Variants in PARVA observed in about 807,000 individuals in gnomAD.
PARVA encodes parvin alpha.
A neutral mutation model predicts 52.6 loss-of-function variants in PARVA; 25 were observed. The observed-to-expected ratio is 0.48, with a 90% CI of 0.35 to 0.66. The LOEUF (loss-of-function observed/expected upper bound fraction) is 0.66, where lower values mean the gene tolerates loss of function less well. PARVA is among the 30% of genes least tolerant of loss of function. The pLI, the probability that PARVA is intolerant of heterozygous loss-of-function variation, is 0.01. For synonymous variants in PARVA, 185 were observed against 179.1 expected (o/e 1.03, Z -0.26); for missense variants, 373 against 450.9 (o/e 0.83, Z 1.56).
chr11:12,428,912 G>A (rs1273252908), intron 1 of PARVA, among the ~76,000 whole-genome samples: 2 of 152,200 alleles, frequency 1.3e-5, no homozygotes, highest in Non-Finnish European at 2.9e-5. Flanking sequence ...TGGGGGAAGG[G>A]TAAATTGTGT....
chr11:12,449,167 T>C (rs1387084901), intron 1 of PARVA, among the ~76,000 whole-genome samples: 1 of 152,010 alleles, frequency 6.6e-6, no homozygotes, highest in Non-Finnish European at 1.5e-5. Flanking sequence ...TTTTATTTTA[T>C]ATTTTTTGGA....
chr11:12,514,324 T>C (rs1043653197), intron 10 of PARVA, among the ~76,000 whole-genome samples: 1 of 152,192 alleles, frequency 6.6e-6, no homozygotes, highest in Non-Finnish European at 1.5e-5. Context: ...CTCTCTCTCT[T>C]TCTCTGCACC....
intron 1 of PARVA, among the ~76,000 whole-genome samples, chr11:12,468,997 G>A (rs1940893814): frequency 6.6e-6 from 1 of 152,158 alleles, no homozygotes. Context: ...TAAACCAATA[G>A]CGGCTTTACC....
Position 12,533,452 on chromosome 11 carries a change from A to G in PARVA, c.*5527A>G, listed in dbSNP as rs918679130. Among the ~76,000 whole-genome samples, 1 of 152,204 alleles carries G rather than the reference A, an allele frequency of 6.6e-6. No homozygotes were observed. Among genetic ancestry groups the G allele is most frequent in the Non-Finnish European group, 1.5e-5 (1 of 68,040 alleles). Reference sequence around the variant, plus strand: ...TAACTGCTCCAATGCCCACCACATTATATAAAATCTACCAAAAGGGGGTCA... The same window carrying G: ...TAACTGCTCCAATGCCCACCACATTGTATAAAATCTACCAAAAGGGGGTCA... On this transcript the variant is annotated 3_prime_UTR_variant, in exon 13 of 13. Coordinates refer to ENST00000334956, the MANE Select transcript of PARVA (RefSeq NM_018222.5).
At chr11:12,512,785 A>G (rs111755302) in intron 8 of PARVA, among the ~76,000 whole-genome samples, 2 of 152,010 alleles carry the variant, frequency 1.3e-5, no homozygotes, top group South Asian at 2.1e-4. Flanking sequence ...AGGCACAAAG[A>G]GTTGAAGTGG....
intron 12 of PARVA, among the ~76,000 whole-genome samples, chr11:12,525,054 C>T (rs760905142): frequency 2.6e-5 from 4 of 152,090 alleles, no homozygotes; most frequent in South Asian, 4.2e-4. Flanking sequence ...ACAGCATAGG[C>T]GGAGGCCAAG....
intron 12 of PARVA, among the ~76,000 whole-genome samples, chr11:12,523,595 A>T (rs189783755): frequency 6.6e-6 from 1 of 152,208 alleles, no homozygotes; most frequent in Non-Finnish European, 1.5e-5. Flanking sequence ...TCCTCTCCTG[A>T]TAGAAAGAGT....
intron 1 of PARVA, among the ~76,000 whole-genome samples, chr11:12,390,772 C>T (rs1939647705): frequency 6.6e-6 from 1 of 152,170 alleles, no homozygotes; most frequent in Non-Finnish European, 1.5e-5. Context: ...GCTCTCAGCC[C>T]TGGTGAGGCA....
intron 1 of PARVA, among the ~76,000 whole-genome samples, chr11:12,428,471 C>A (rs1385168134): frequency 1.3e-5 from 2 of 152,176 alleles, no homozygotes; most frequent in Non-Finnish European, 2.9e-5. Flanking sequence ...CTGAGATGAC[C>A]AAGACCCAGT....
chr11:12,406,246 C>T (rs1057355404), intron 1 of PARVA, among the ~76,000 whole-genome samples: 7 of 152,162 alleles, frequency 4.6e-5, no homozygotes, highest in African/African-American at 9.7e-5. Flanking sequence ...TATTGTTTTA[C>T]GATAGAATTC....
At chr11:12,387,573 G>GTGTA (rs1939590899) in intron 1 of PARVA, among the ~76,000 whole-genome samples, 1 of 151,770 alleles carries the variant, frequency 6.6e-6, no homozygotes, top group Non-Finnish European at 1.5e-5. Context: ...GTGTGTGTGT[G>GTGTA]TATGTAGCTT....
intron 1 of PARVA, 23 bp downstream of exon 1, chr11:12,377,806 G>A (rs766599115): frequency 2.0e-6 from 3 of 1,472,300 alleles, no homozygotes; most frequent in Non-Finnish European, 1.8e-6. Flanking sequence ...AGGCCGGCCG[G>A]GCGGGCGGTA....
At chr11:12,468,481 G>T (rs1007658885) in intron 1 of PARVA, among the ~76,000 whole-genome samples, 1 of 152,082 alleles carries the variant, frequency 6.6e-6, no homozygotes, top group African/African-American at 2.4e-5. Context: ...CAAAAATCAG[G>T]GGGAAATTAC....
At chr11:12,410,328 C>G (rs1939975638) in intron 1 of PARVA, among the ~76,000 whole-genome samples, 1 of 152,230 alleles carries the variant, frequency 6.6e-6, no homozygotes, top group African/African-American at 2.4e-5. Context: ...CCTGCCTACC[C>G]CAGGCCACAG....
chr11:12,479,687 A>G (rs577546236), intron 4 of PARVA: 1 of 152,380 alleles, frequency 6.6e-6, no homozygotes, highest in East Asian at 1.9e-4. Context: ...CTGAGGGACT[A>G]TATATACACT....
intron 1 of PARVA, among the ~76,000 whole-genome samples, chr11:12,462,493 G>C (rs147011322): frequency 0.016 from 2,381 of 152,250 alleles, 64 homozygotes; most frequent in African/African-American, 0.05. Context: ...TGGATTACCC[G>C]CTAAGCCAGT....
intron 4 of PARVA, 71 bp downstream of exon 4, chr11:12,478,020 A>G (rs1237433465): frequency 1.2e-6 from 1 of 852,088 alleles, no homozygotes; most frequent in Non-Finnish European, 2.1e-6. Context: ...TTGTAGCTAG[A>G]AGGAGTTATT....
intron 1 of PARVA, among the ~76,000 whole-genome samples, chr11:12,396,452 C>T (rs1179743061): frequency 6.6e-6 from 1 of 152,194 alleles, no homozygotes; most frequent in Non-Finnish European, 1.5e-5. Flanking sequence ...AGCAAAGTGC[C>T]TGGTCCTAGC....
At chr11:12,498,191 GC>G (rs1199916986) in intron 5 of PARVA, among the ~76,000 whole-genome samples, 1 of 151,934 alleles carries the variant, frequency 6.6e-6, no homozygotes, top group Non-Finnish European at 1.5e-5. Context: ...GTGCCACCAA[GC>G]CCAGCTAATT....
Sources: gnomAD v4.1 joint callset for allele counts (sites outside exome capture counted in the v4.1 genomes callset) on GRCh38, gnomAD v4.1.1 for gene constraint, MANE v1.5 for transcripts, NCBI Gene and HGNC (gene_info 2026-07-23, HGNC 2026-07-21) for gene names.